CRACR2A: variants seen among roughly 807,000 people sequenced by gnomAD.
The protein encoded by CRACR2A is EF-hand calcium-binding domain-containing protein 4B.
CRACR2A carries 79 observed loss-of-function variants against 90.5 expected under a neutral mutation model. The observed-to-expected ratio is 0.87, with a 90% CI of 0.73 to 1.05. CRACR2A has a LOEUF of 1.05. Among genes scored for constraint, CRACR2A ranks in the 50% least tolerant of loss-of-function variants. CRACR2A has a pLI of 0.00. For synonymous variants in CRACR2A, 338 were observed against 356.7 expected, an observed-to-expected ratio of 0.95 and a Z score of 0.59; for missense variants, 823 against 897.2, an observed-to-expected ratio of 0.92 and a Z score of 1.06.
intron 4 of CRACR2A, among the ~76,000 whole-genome samples, chr12:3,683,854 G>A (rs1394290178): frequency 6.6e-6 from 1 of 152,210 alleles, no homozygotes; most frequent in Non-Finnish European, 1.5e-5. Context: ...GAGCTCCTAT[G>A]TACAGAGTGC....
At chr12:3,697,843 C>T (rs537785213) in intron 3 of CRACR2A, among the ~76,000 whole-genome samples, 1 of 152,324 alleles carries the variant, frequency 6.6e-6, no homozygotes, top group East Asian at 1.9e-4. Context: ...TCAGCCCAAA[C>T]CGAATCACAA....
rs1181251682 is a variant in CRACR2A at position 3,654,249 on chromosome 12, G to A, written c.1009C>T (p.Gln337Ter). ...TGGTGGAGTTTGCAGGCCTCTTGCT[G>A]GAGGCTTTCCAACTGCTGCTGAGCA... ...QDAQQQLESL[Q>*]QEACKLHQEK... is the part of the protein sequence containing the mutation. Residue 337 changes from glutamine (Q) to a stop codon, truncating the protein, a stop_gained, in exon 10 of 20, where the codon CAG becomes TAG. Coordinates refer to ENST00000440314, the MANE Select transcript of CRACR2A (RefSeq NM_001144958.2). LOFTEE classifies it high-confidence loss of function. The A allele has an allele frequency of 6.2e-7, 1 of 1,613,708 alleles. No homozygotes were observed. Among genetic ancestry groups the A allele is most frequent in the Middle Eastern group, 1.7e-4 (1 of 6,018 alleles).
In CRACR2A at chr12:3,638,300, C is replaced by G; in HGVS notation, c.1426G>C (p.Glu476Gln). The change falls in exon 14 of 20, where the codon GAA becomes CAA. Residue 476 changes from glutamate to glutamine, a missense_variant. Physicochemically the swap from Glu to Gln is conservative, Grantham distance 29. Coordinates refer to ENST00000440314, the MANE Select transcript of CRACR2A (RefSeq NM_001144958.2). ...RPLRRIISVE[E>Q]DPLPQLLDGG... ...TCCAGGAGCTGGGGCAGGGGGTCTT[C>G]TTCAACGGAGATGATTCTGCGGAGC... The G allele has an allele frequency of 6.4e-7, 1 of 1,551,634 alleles. No individual in the cohort carries two copies. Among genetic ancestry groups the G allele is most frequent in the South Asian group, 1.2e-5 (1 of 84,060 alleles).
intron 7 of CRACR2A, among the ~76,000 whole-genome samples, chr12:3,660,480 C>G (rs1207928920): frequency 1.3e-5 from 2 of 152,028 alleles, no homozygotes; most frequent in Non-Finnish European, 2.9e-5. Flanking sequence ...AAACACACAG[C>G]CTATAGAGAG....
Position 3,680,287 on chromosome 12 carries a change from A to C in CRACR2A, c.291T>G (p.Asp97Glu), listed in dbSNP as rs1391692039. 6.2e-7 allele frequency: 1 copy of C among 1,614,106 alleles called. No individual in the cohort carries two copies. The change falls in exon 5 of 20, where the codon GAT becomes GAG. Residue 97 changes from aspartate to glutamate, a missense_variant. Asp to Glu is a conservative substitution (Grantham distance 45). Coordinates refer to ENST00000440314, the MANE Select transcript of CRACR2A (RefSeq NM_001144958.2). The part of the protein sequence containing the change: ...EELEDVFDAL[D>E]ADGNGYLTPQ... ...GGGTCAGATAGCCATTGCCATCAGC[A>C]TCCAGGGCATCAAACACATCCTCCA...
At chr12:3,725,380 TC>T (rs1438889620) in intron 2 of CRACR2A, among the ~76,000 whole-genome samples, 3 of 152,310 alleles carry the variant, frequency 2.0e-5, no homozygotes, top group Admixed American at 2.0e-4. Flanking sequence ...CTCCAGGTGT[TC>T]CTTGGCTTGA....
At chr12:3,677,449 A>G (rs528043765) in intron 6 of CRACR2A, among the ~76,000 whole-genome samples, 4 of 152,166 alleles carry the variant, frequency 2.6e-5, no homozygotes, top group South Asian at 2.1e-4. Flanking sequence ...CTGCCTTACT[A>G]TAGGTCCTCA....
At chr12:3,694,620 T>C (rs1945706817) in intron 4 of CRACR2A, among the ~76,000 whole-genome samples, 1 of 152,202 alleles carries the variant, frequency 6.6e-6, no homozygotes, top group South Asian at 2.1e-4. Flanking sequence ...CCGGGGGGCA[T>C]GGGGACTTTC....
intron 7 of CRACR2A, among the ~76,000 whole-genome samples, chr12:3,672,991 T>C (rs1422390523): frequency 2.6e-5 from 4 of 152,162 alleles, no homozygotes; most frequent in Non-Finnish European, 5.9e-5. Flanking sequence ...CCCAGTATGC[T>C]GGGGTCTTAC....
intron 2 of CRACR2A, among the ~76,000 whole-genome samples, chr12:3,720,271 AAGAG>A (rs1220197044): frequency 3.5e-4 from 50 of 144,106 alleles, no homozygotes; most frequent in African/African-American, 1.2e-3. Context: ...GAAAGAAAGA[AAGAG>A]AGAGAGAAAG....
chr12:3,675,099 TAC>T (rs886280753), intron 6 of CRACR2A, among the ~76,000 whole-genome samples: 4 of 152,362 alleles, frequency 2.6e-5, no homozygotes, highest in Non-Finnish European at 5.9e-5. Flanking sequence ...GCTTGTCCAT[TAC>T]AGTCATCTGC....
chr12:3,744,566 G>C (rs901619639), intron 1 of CRACR2A, among the ~76,000 whole-genome samples: 12 of 152,154 alleles, frequency 7.9e-5, no homozygotes, highest in Non-Finnish European at 1.8e-4. Flanking sequence ...GGAAAGGGTG[G>C]GTGATCATAC....
chr12:3,705,674 A>G (rs1945906195), intron 3 of CRACR2A, among the ~76,000 whole-genome samples: 1 of 152,212 alleles, frequency 6.6e-6, no homozygotes, highest in Admixed American at 6.5e-5. Context: ...AGGCAAAGAG[A>G]TAGGTGGGTC....
intron 2 of CRACR2A, among the ~76,000 whole-genome samples, chr12:3,724,088 A>T (rs1362223742): frequency 1.3e-5 from 2 of 152,106 alleles, no homozygotes; most frequent in Non-Finnish European, 2.9e-5. Flanking sequence ...CCAGGCCCCC[A>T]GCACCCGGCC....
intron 3 of CRACR2A, among the ~76,000 whole-genome samples, chr12:3,697,837 C>G (rs1323927920): frequency 6.6e-6 from 1 of 152,210 alleles, no homozygotes; most frequent in Non-Finnish European, 1.5e-5. Context: ...CTGTTTTCAG[C>G]CCAAACCGAA....
intron 6 of CRACR2A, among the ~76,000 whole-genome samples, chr12:3,675,464 G>A (rs1945320016): frequency 6.6e-6 from 1 of 152,114 alleles, no homozygotes; most frequent in African/African-American, 2.4e-5. Flanking sequence ...GATCATGAAG[G>A]CAGAGCCCTC....
At chr12:3,659,259 A>C (rs916121877) in intron 8 of CRACR2A, among the ~76,000 whole-genome samples, 3 of 152,204 alleles carry the variant, frequency 2.0e-5, no homozygotes, top group Admixed American at 1.3e-4. Context: ...TTTAACAAAC[A>C]CTTGTTGAGC....
intron 10 of CRACR2A, among the ~76,000 whole-genome samples, chr12:3,652,088 C>G (rs1057307224): frequency 5.9e-5 from 9 of 152,076 alleles, no homozygotes; most frequent in Non-Finnish European, 1.0e-4. Context: ...CCCTCCCTCC[C>G]TCCCTCTTTT....
In CRACR2A at chr12:3,627,580, G is replaced by C. The variant is rs558436305; in HGVS notation, c.1818-30C>G. On this transcript the variant is annotated intron_variant, in intron 16 of 19. Transcript: ENST00000440314. ...CACAGAAGGGCCACGGGTCAGGCAT[G>C]CACGGCCTTCCCTCTGGAGCCCAGA... 68 of 1,551,080 alleles carry C rather than the reference G, an allele frequency of 4.4e-5. No individual in the cohort carries two copies. In the Middle Eastern group the frequency reaches 1.0e-3, roughly 23 times the overall value.
Sources: allele counts gnomAD v4.1 joint callset (sites outside exome capture counted in the v4.1 genomes callset), GRCh38; gene constraint gnomAD v4.1.1; transcripts MANE v1.5; gene names NCBI Gene and HGNC (gene_info 2026-07-23, HGNC 2026-07-21).